The following ABCB11 variants were observed in gnomAD, a reference collection of about 807,000 sequenced individuals.
ABCB11 encodes the protein ATP binding cassette subfamily B member 11.
A neutral mutation model predicts 148.0 loss-of-function variants in ABCB11; 95 were observed. The ratio of observed to expected loss-of-function variants is 0.64; its 90% CI spans 0.54 to 0.76. The LOEUF (loss-of-function observed/expected upper bound fraction) is 0.76. Among genes scored for constraint, ABCB11 ranks in the 30% least tolerant of loss-of-function variants. The pLI is 0.00. For missense variants in ABCB11, 1,523 were observed against 1,617.8 expected (o/e 0.94, Z 1.01); for synonymous variants, 591 against 555.4 (o/e 1.06, Z -0.90).
At chr2:168,975,868 T>G (rs1272031425) in intron 12 of ABCB11, among the ~76,000 whole-genome samples, 1 of 131,602 alleles carries the variant, frequency 7.6e-6, no homozygotes, top group Non-Finnish European at 1.6e-5. Context: ...CAAAATGGGA[T>G]TTAGTTCTGT....
At chr2:168,935,702 C>A (rs1435405314) in intron 22 of ABCB11, among the ~76,000 whole-genome samples, 2 of 152,190 alleles carry the variant, frequency 1.3e-5, no homozygotes, top group African/African-American at 4.8e-5. Flanking sequence ...TTAATTAGAA[C>A]ACACTTTAAA....
At chr2:168,940,366 CA>C (rs1230659391) in intron 21 of ABCB11, among the ~76,000 whole-genome samples, 1 of 151,906 alleles carries the variant, frequency 6.6e-6, no homozygotes, top group African/African-American at 2.4e-5. Context: ...TGAAGTGAAC[CA>C]GCTTTATTGA....
chr2:168,993,715 C>A lies in ABCB11; in HGVS notation c.779G>T (p.Gly260Val). ...GATGCAAAAAGACATTCTTACCAGA[C>A]CAATGGTGGCTGCTCCAATCCCAAT... ...PLIGIGAATI[G>V]LSVSKFTDYE... Residue 260 changes from glycine (G) to valine (V), a missense_variant, in exon 8 of 28, where the codon GGT (glycine) becomes GTT (valine). Gly to Val is a moderately radical substitution (Grantham distance 109). Transcript: ENST00000650372. 6.2e-7 allele frequency: 1 copy of A among 1,607,858 alleles called. No homozygotes were observed. Among genetic ancestry groups the A allele is most frequent in the Non-Finnish European group, 8.5e-7 (1 of 1,176,912 alleles).
At chr2:168,982,281 C>G (rs570455268) in intron 10 of ABCB11, among the ~76,000 whole-genome samples, 1 of 152,194 alleles carries the variant, frequency 6.6e-6, no homozygotes, top group East Asian at 1.9e-4. Context: ...AAATCCCTCT[C>G]AATATTTCTT....
At chr2:169,018,973 C>T (rs531723757) in intron 1 of ABCB11, among the ~76,000 whole-genome samples, 2 of 152,022 alleles carry the variant, frequency 1.3e-5, no homozygotes, top group African/African-American at 4.8e-5. Context: ...TGGATGCTGA[C>T]GAGTGTGAGA....
chr2:168,980,022 G>C (rs929342233), intron 10 of ABCB11, 43 bp from the exon 11 acceptor site: 1 of 1,168,470 alleles, frequency 8.6e-7, no homozygotes, highest in Non-Finnish European at 1.3e-6. Context: ...TTTTGTTAAT[G>C]TGTAAATAGT....
Position 168,990,870 on chromosome 2 carries a change from A to G in ABCB11, c.839T>C (p.Val280Ala), listed in dbSNP as rs760047156. ...CATTGATGAAATGACTTCATCAGCC[A>G]CCACCCCTGCTTTGGCATAGGCCTT... is the stretch of plus-strand genomic sequence containing the variant. ...ELKAYAKAGVVADEVISSMRT... is the reference protein window; with the variant it reads ...ELKAYAKAGVAADEVISSMRT... The change falls in exon 9 of 28, where the codon GTG (valine) becomes GCG (alanine). Residue 280 changes from valine to alanine, a missense_variant. Val to Ala is a moderately conservative substitution (Grantham distance 64, BLOSUM62 0). Transcript: ENST00000650372. 6.2e-7 allele frequency: 1 copy of G among 1,613,220 alleles called. No individual in the cohort carries two copies. Among genetic ancestry groups the G allele is most frequent in the Non-Finnish European group, 8.5e-7 (1 of 1,179,396 alleles).
At chr2:169,024,589 G>C (rs1332228196) in intron 1 of ABCB11, among the ~76,000 whole-genome samples, 1 of 151,884 alleles carries the variant, frequency 6.6e-6, no homozygotes, top group East Asian at 1.9e-4. Context: ...TAGTATTAAT[G>C]AACCAATATT....
chr2:168,986,094 A>T lies in ABCB11; in HGVS notation c.1083+16T>A. The T allele has an allele frequency of 6.5e-7, 1 of 1,544,834 alleles. No individual in the cohort carries two copies. The highest frequency in any genetic ancestry group is 8.7e-7 in the Non-Finnish European group (1 of 1,143,136). On this transcript the variant is annotated intron_variant, in intron 10 of 27. Coordinates refer to ENST00000650372, the MANE Select transcript of ABCB11 (RefSeq NM_003742.4). ...CAGAAGGAAATGCTATGTCTCGGTC[A>T]ATAAGTCCAAGGTACCTGGACAAGG...
chr2:168,923,519 A>G lies in ABCB11; in HGVS notation c.*103T>C, dbSNP rs1691162249. On this transcript the variant is annotated 3_prime_UTR_variant, in exon 28 of 28. Coordinates refer to ENST00000650372, the MANE Select transcript of ABCB11 (RefSeq NM_003742.4). Reference sequence around the variant, plus strand: ...GTAAAATATTAACATTCTTCTTTAAAGAAAAAACAATCCCAGCAATCCCTC... The same window carrying G: ...GTAAAATATTAACATTCTTCTTTAAGGAAAAAACAATCCCAGCAATCCCTC... 1 of 1,041,966 alleles carries G rather than the reference A, an allele frequency of 9.6e-7. No homozygotes were observed. The highest frequency in any genetic ancestry group is 1.4e-6 in the Non-Finnish European group (1 of 706,236). 64.5% of individuals were successfully genotyped at this position (1,041,966 alleles called of 1,614,324 possible). A position where few individuals can be genotyped will look rare whatever the true frequency, so the allele number is the denominator to read the frequency against.
chr2:168,927,301 A>G lies in ABCB11; in HGVS notation c.3473T>C (p.Ile1158Thr), dbSNP rs770257769. 5.6e-6 allele frequency: 9 copies of G among 1,613,790 alleles called. No individual in the cohort carries two copies. The African/African-American group carries it at 1.1e-4, about 19-fold the overall frequency. ...NVQFLRSNIG[I>T]VSQEPVLFAC... The stretch of plus-strand genomic sequence containing the variant: ...AAACAACACTGGTTCCTGGGAAACA[A>G]TTCCAATGTTTGAGCGGAGGAACTG... The change falls in exon 26 of 28, where the codon ATT becomes ACT. Residue 1158 changes from isoleucine (I) to threonine (T), a missense_variant. Physicochemically the swap from Ile to Thr is moderately conservative, Grantham distance 89. Transcript: ENST00000650372.
intron 5 of ABCB11, among the ~76,000 whole-genome samples, chr2:168,998,585 T>A (rs73020767): frequency 0.033 from 4,673 of 141,766 alleles, 241 homozygotes; most frequent in African/African-American, 0.11. Flanking sequence ...TATGTGACAA[T>A]TAAAATGATA....
chr2:168,974,122 T>C (rs1322677656), intron 12 of ABCB11, among the ~76,000 whole-genome samples: 1 of 151,994 alleles, frequency 6.6e-6, no homozygotes, highest in Non-Finnish European at 1.5e-5. Context: ...ATAAGACATG[T>C]TAACTTTTAA....
intron 11 of ABCB11, among the ~76,000 whole-genome samples, chr2:168,977,722 T>C (rs1693971261): frequency 6.6e-6 from 1 of 152,130 alleles, no homozygotes; most frequent in East Asian, 1.9e-4. Flanking sequence ...ACAACCATGG[T>C]TGAAGGCAAA....
At position 168,936,277 on chromosome 2, in the gene ABCB11, T is replaced by G. The variant is rs777469571; in HGVS notation, c.2767A>C (p.Thr923Pro). Residue 923 changes from threonine (T) to proline (P), a missense_variant, in exon 22 of 28, where the codon ACA becomes CCA. By Grantham distance (38) the Thr-to-Pro change is conservative (BLOSUM62 -1). Coordinates refer to ENST00000650372, the MANE Select transcript of ABCB11 (RefSeq NM_003742.4). ...LSGATQTRML[T>P]GFASRDKQAL... Reference sequence around the variant, plus strand: ...TGCTTATCTCGAGAGGCAAATCCTGTCAACATCCTGGTCTGTGTGGCTCCT... The same window carrying G: ...TGCTTATCTCGAGAGGCAAATCCTGGCAACATCCTGGTCTGTGTGGCTCCT... 1 of 1,613,870 alleles carries G rather than the reference T, an allele frequency of 6.2e-7. No individual in the cohort carries two copies. The highest frequency in any genetic ancestry group is 8.5e-7 in the Non-Finnish European group (1 of 1,179,854).
chr2:168,969,227 TC>T, intron 16 of ABCB11, 122 bp downstream of exon 16: 2 of 860,160 alleles, frequency 2.3e-6, no homozygotes, highest in South Asian at 3.8e-5. Flanking sequence ...TCCTTTACCA[TC>T]TATATAACGC....
rs1349680927 is a variant in ABCB11, at chr2:168,921,679, C to T, written c.*1943G>A. On this transcript the variant is annotated 3_prime_UTR_variant, in exon 28 of 28. Coordinates refer to ENST00000650372, the MANE Select transcript of ABCB11 (RefSeq NM_003742.4). ...TGCTTTATATGTTAAAATACTTCCT[C>T]AGTGTCTGGTGGTCCTTGGAAGTCA... Among the ~76,000 whole-genome samples, 2 of 152,104 alleles carry T rather than the reference C, an allele frequency of 1.3e-5. No homozygotes were observed. The highest frequency in any genetic ancestry group is 2.1e-4 in the South Asian group (1 of 4,804).
At position 168,932,377 on chromosome 2, in the gene ABCB11, C is replaced by T; in HGVS notation, c.3213G>A (p.Trp1071Ter). The change falls in exon 24 of 28, where the codon TGG (tryptophan) becomes TGA (stop). Residue 1071 changes from tryptophan to a stop codon, truncating the protein, a stop_gained and splice_region_variant. Transcript: ENST00000650372. LOFTEE classifies it high-confidence loss of function. ...GGCTGCATAGTATTCCAACACTTACCCATTTTTCACCTGCAGTATTGTATA... is the reference window on the plus strand; with the variant it reads ...GGCTGCATAGTATTCCAACACTTACTCATTTTTCACCTGCAGTATTGTATA... ...ISVYNTAGEK[W>*]DNFQGKIDFV... 6.4e-7 allele frequency: 1 copy of T among 1,555,076 alleles called. No individual in the cohort carries two copies. Among genetic ancestry groups the T allele is most frequent in the Non-Finnish European group, 8.7e-7 (1 of 1,148,764 alleles).
At chr2:168,942,813 T>C (rs1433044062) in intron 21 of ABCB11, among the ~76,000 whole-genome samples, 2 of 151,884 alleles carry the variant, frequency 1.3e-5, no homozygotes, top group East Asian at 1.9e-4. Flanking sequence ...ATAAGTCAAA[T>C]TGATCAATTC....
Sources: allele counts gnomAD v4.1 joint callset (sites outside exome capture counted in the v4.1 genomes callset), GRCh38; gene constraint gnomAD v4.1.1; transcripts MANE v1.5; gene names NCBI Gene and HGNC (gene_info 2026-07-23, HGNC 2026-07-21).